SUGCT: variants seen among roughly 807,000 people sequenced by gnomAD.
The protein encoded by SUGCT is succinyl-CoA:glutarate-CoA transferase.
A neutral mutation model predicts 55.0 loss-of-function variants in SUGCT; 41 were observed. The observed-to-expected ratio is 0.74, with a 90% CI of 0.58 to 0.97. The LOEUF (loss-of-function observed/expected upper bound fraction) is 0.97. Among genes scored for constraint, SUGCT ranks in the 50% least tolerant of loss-of-function variants. SUGCT has a pLI of 0.00. For missense variants in SUGCT, 568 were observed against 547.8 expected (o/e 1.04, Z -0.37); for synonymous variants, 187 against 200.4 (o/e 0.93, Z 0.56).
At chr7:40,428,446 C>T (rs766224957) in intron 9 of SUGCT, among the ~76,000 whole-genome samples, 1 of 151,860 alleles carries the variant, frequency 6.6e-6, no homozygotes, top group African/African-American at 2.4e-5. Context: ...AGCTTATCCC[C>T]GTGTTTTCCT....
At chr7:40,712,035 A>C (rs1240808720) in intron 12 of SUGCT, among the ~76,000 whole-genome samples, 2 of 152,238 alleles carry the variant, frequency 1.3e-5, no homozygotes, top group Non-Finnish European at 2.9e-5. Flanking sequence ...GCGGCTCCGC[A>C]AGCCTAGCTG....
chr7:40,768,776 T>C (rs1788937562), intron 13 of SUGCT, among the ~76,000 whole-genome samples: 1 of 152,218 alleles, frequency 6.6e-6, no homozygotes, highest in South Asian at 2.1e-4. Flanking sequence ...TTAATTTGTT[T>C]ATGCCATTCC....
At chr7:40,218,643 C>T (rs747826242) in intron 6 of SUGCT, among the ~76,000 whole-genome samples, 9 of 152,010 alleles carry the variant, frequency 5.9e-5, no homozygotes, top group Non-Finnish European at 1.0e-4. Context: ...TGGGTGGGGA[C>T]CTGAATAACT....
At chr7:40,162,837 A>C (rs1584226911) in intron 1 of SUGCT, among the ~76,000 whole-genome samples, 1 of 152,310 alleles carries the variant, frequency 6.6e-6, no homozygotes, top group African/African-American at 2.4e-5. Flanking sequence ...CTAAAAGGAC[A>C]GTGAAACAGT....
intron 8 of SUGCT, among the ~76,000 whole-genome samples, chr7:40,295,208 T>G (rs995823383): frequency 2.0e-5 from 3 of 152,208 alleles, no homozygotes; most frequent in African/African-American, 7.2e-5. Context: ...GTAAATTTTT[T>G]TTTTGCATTT....
chr7:40,179,981 G>A (rs1031717504), intron 1 of SUGCT, among the ~76,000 whole-genome samples: 1 of 152,148 alleles, frequency 6.6e-6, no homozygotes, highest in African/African-American at 2.4e-5. Flanking sequence ...ATTAAACATT[G>A]TTTTAGCTAC....
chr7:40,779,906 GT>G (rs1789648269), intron 13 of SUGCT, among the ~76,000 whole-genome samples: 1 of 152,116 alleles, frequency 6.6e-6, no homozygotes, highest in Admixed American at 6.5e-5. Context: ...GCTTCTGGGT[GT>G]TCATTAATAA....
chr7:40,851,322 A>T (rs959016060), intron 13 of SUGCT, among the ~76,000 whole-genome samples: 2 of 94,040 alleles, frequency 2.1e-5, no homozygotes, highest in Admixed American at 1.2e-4. Context: ...TTGTAAATGT[A>T]AAAAAAAAAT....
At position 40,458,297 on chromosome 7, in the gene SUGCT, A is replaced by G. The variant is rs140124436; in HGVS notation, c.889-804A>G. On this transcript the variant is annotated intron_variant, in intron 10 of 13. Transcript: ENST00000335693. ...AATACAACTGCCAAGCACTGCCTCT[A>G]CACAGTCTTTGTAAAACTTTTCCAT... Among the ~76,000 whole-genome samples, 437 of 152,342 alleles carry G rather than the reference A, an allele frequency of 2.9e-3. 2 individuals carry two copies. The highest frequency in any genetic ancestry group is 9.9e-3 in the African/African-American group (413 of 41,580).
At chr7:40,507,591 G>A (rs895121733) in intron 12 of SUGCT, among the ~76,000 whole-genome samples, 6 of 152,094 alleles carry the variant, frequency 3.9e-5, no homozygotes, top group Non-Finnish European at 8.8e-5. Flanking sequence ...CTTTAGATAT[G>A]GACATAGTTG....
intron 9 of SUGCT, among the ~76,000 whole-genome samples, chr7:40,371,310 G>A (rs1784285041): frequency 6.6e-6 from 1 of 152,074 alleles, no homozygotes; most frequent in Non-Finnish European, 1.5e-5. Flanking sequence ...AAAAAGCTTT[G>A]CATTTGTGTT....
intron 1 of SUGCT, 59 bp downstream of exon 1, chr7:40,135,179 C>T: frequency 1.3e-6 from 2 of 1,505,418 alleles, no homozygotes; most frequent in East Asian, 2.6e-5. Context: ...CTTGCCTCCT[C>T]GGGCGCCCTG....
At chr7:40,224,555 G>T (rs2150836635) in intron 6 of SUGCT, among the ~76,000 whole-genome samples, 1 of 152,058 alleles carries the variant, frequency 6.6e-6, no homozygotes, top group Non-Finnish European at 1.5e-5. Flanking sequence ...TAGTTTTGAA[G>T]ACTTTTTTTC....
At chr7:40,573,230 A>G (rs1796550314) in intron 12 of SUGCT, among the ~76,000 whole-genome samples, 1 of 152,180 alleles carries the variant, frequency 6.6e-6, no homozygotes, top group Non-Finnish European at 1.5e-5. Flanking sequence ...CCAATACAGC[A>G]AATCTGTTAC....
chr7:40,957,622 T>A, the SUGCT span, among the ~76,000 whole-genome samples: 1 of 152,100 alleles, frequency 6.6e-6, no homozygotes, highest in Non-Finnish European at 1.5e-5. Context: ...GTCTTTTAAT[T>A]GGGGTATTTA....
chr7:40,642,120 C>T (rs1405709876), intron 12 of SUGCT, among the ~76,000 whole-genome samples: 1 of 152,174 alleles, frequency 6.6e-6, no homozygotes, highest in Non-Finnish European at 1.5e-5. Context: ...TTCTGGCTTG[C>T]CAACGTCTGA....
rs147911358 is a variant in SUGCT, at chr7:40,440,405, C to A, written c.817-8882C>A. Among the ~76,000 whole-genome samples the A allele has an allele frequency of 1.1e-3, 161 of 152,062 alleles. No homozygotes were observed. In the East Asian group the frequency reaches 0.013, roughly 12 times the overall value. ...CAAACTCCTGGACTTAAGTGATCCA[C>A]CTGCCTTGGCCTCCCAAAGTGCCAG... On this transcript the variant is annotated intron_variant, in intron 9 of 13. Transcript: ENST00000335693.
At chr7:41,002,818 A>AT in the SUGCT span, among the ~76,000 whole-genome samples, 16 of 152,160 alleles carry the variant, frequency 1.1e-4, no homozygotes, top group Admixed American at 1.0e-3. Context: ...GGAAAATGAA[A>AT]TAGGGACAGC....
intron 9 of SUGCT, among the ~76,000 whole-genome samples, chr7:40,420,205 G>A (rs1787231645): frequency 6.6e-6 from 1 of 152,174 alleles, no homozygotes; most frequent in Non-Finnish European, 1.5e-5. Context: ...AAGGCACATT[G>A]GGGTATGTTG....
Sources: allele counts gnomAD v4.1 joint callset (sites outside exome capture counted in the v4.1 genomes callset), GRCh38; gene constraint gnomAD v4.1.1; transcripts MANE v1.5; gene names NCBI Gene and HGNC (gene_info 2026-07-23, HGNC 2026-07-21).